Variants in SAMD3 observed in about 807,000 individuals in gnomAD.
SAMD3 encodes the protein sterile alpha motif domain-containing protein 3.
A neutral mutation model predicts 58.5 loss-of-function variants in SAMD3; 63 were observed. That is an observed-to-expected ratio of 1.08 (90% CI 0.88 to 1.33). The LOEUF (loss-of-function observed/expected upper bound fraction) is 1.33. Ranked by LOEUF, SAMD3 falls within the 40% of genes most tolerant of loss-of-function variation. The probability of loss-of-function intolerance (pLI) is 0.00; values close to 1 mark genes in which losing one functional copy is unlikely to be tolerated. For missense variants in SAMD3, 604 were observed against 608.4 expected (o/e 0.99, Z 0.08); for synonymous variants, 220 against 210.3 (o/e 1.05, Z -0.40).
intron 2 of SAMD3, among the ~76,000 whole-genome samples, chr6:130,272,072 C>T (rs1347728486): frequency 6.6e-6 from 1 of 152,072 alleles, no homozygotes; most frequent in Non-Finnish European, 1.5e-5. Context: ...TATGTTTGGC[C>T]TTAAAAGGTC....
intron 1 of SAMD3, among the ~76,000 whole-genome samples, chr6:130,218,056 G>T (rs1796082575): frequency 6.6e-6 from 1 of 152,204 alleles, no homozygotes; most frequent in Admixed American, 6.5e-5. Context: ...CGCTACCATG[G>T]GAGGTGATAG....
At chr6:130,300,971 GC>G (rs901263075) in intron 2 of SAMD3, among the ~76,000 whole-genome samples, 2 of 151,720 alleles carry the variant, frequency 1.3e-5, no homozygotes, top group Non-Finnish European at 2.9e-5. Flanking sequence ...CCCTCCCTCA[GC>G]CCCCCACCTC....
intron 7 of SAMD3, among the ~76,000 whole-genome samples, chr6:130,179,323 T>C (rs777038810): frequency 3.3e-5 from 5 of 152,180 alleles, no homozygotes; most frequent in Non-Finnish European, 7.3e-5. Flanking sequence ...GTAGGAAATA[T>C]TTATGTTATA....
chr6:130,194,920 G>A (rs1397066487), intron 5 of SAMD3, among the ~76,000 whole-genome samples: 2 of 152,020 alleles, frequency 1.3e-5, no homozygotes, highest in African/African-American at 2.4e-5. Context: ...CAATATGGAG[G>A]CTACCCACTG....
At position 130,254,479 on chromosome 6, in the gene SAMD3, A is replaced by T. The variant is rs75222119; in HGVS notation, c.-187-31666T>A. 2.6e-5 allele frequency among the ~76,000 whole-genome samples: 4 copies of T among 152,030 alleles called. No homozygotes were observed. The East Asian group carries it at 7.7e-4, about 29-fold the overall frequency. On this transcript the variant is annotated intron_variant, in intron 2 of 13. Coordinates refer to the SAMD3 transcript ENST00000368134. ...CTAAAGTGCTGGTATTACAGGCATG[A>T]GCCACCGAGTCCTGCCTTTTTGTAT...
At chr6:130,267,614 A>G (rs11154553) in intron 2 of SAMD3, among the ~76,000 whole-genome samples, 47,270 of 152,080 alleles carry the variant, frequency 0.31, 7,733 homozygotes, top group East Asian at 0.47. Flanking sequence ...AACCAGACCC[A>G]AAACCAAGGA....
intron 1 of SAMD3, among the ~76,000 whole-genome samples, chr6:130,334,320 T>G (rs1777036887): frequency 6.6e-6 from 1 of 152,260 alleles, no homozygotes; most frequent in South Asian, 2.1e-4. Context: ...ATGGGCATAT[T>G]ATTAAAGAAA....
chr6:130,159,391 A>G (rs1477419001), intron 8 of SAMD3: 2 of 152,496 alleles, frequency 1.3e-5, no homozygotes, highest in East Asian at 3.9e-4. Flanking sequence ...GGTCTCAGGT[A>G]TGTCTTTATC....
chr6:130,155,802 G>A (rs1789721923), intron 8 of SAMD3, among the ~76,000 whole-genome samples: 1 of 152,144 alleles, frequency 6.6e-6, no homozygotes, highest in African/African-American at 2.4e-5. Context: ...ACATAGGAAA[G>A]CCTCAGTAGA....
intron 8 of SAMD3, among the ~76,000 whole-genome samples, chr6:130,168,055 A>G (rs2114639819): frequency 6.6e-6 from 1 of 152,274 alleles, no homozygotes; most frequent in African/African-American, 2.4e-5. Flanking sequence ...AGGGTTAGGG[A>G]CAAAAGATCT....
intron 9 of SAMD3, among the ~76,000 whole-genome samples, chr6:130,153,660 A>ATT (rs1789432651): frequency 2.0e-5 from 2 of 100,580 alleles, no homozygotes; most frequent in African/African-American, 6.4e-5. Context: ...ATATATATAT[A>ATT]TATATTTATT....
At chr6:130,329,906 G>C (rs1776874038) in intron 1 of SAMD3, among the ~76,000 whole-genome samples, 1 of 150,446 alleles carries the variant, frequency 6.6e-6, no homozygotes, top group Non-Finnish European at 1.5e-5. Flanking sequence ...CACACACTGG[G>C]GCCTGTTGGG....
intron 7 of SAMD3, among the ~76,000 whole-genome samples, chr6:130,178,378 A>G (rs1195842878): frequency 1.5e-5 from 2 of 131,998 alleles, no homozygotes; most frequent in African/African-American, 3.1e-5. Flanking sequence ...GAGTGCGGGG[A>G]AGGGAAAAAA....
intron 1 of SAMD3, among the ~76,000 whole-genome samples, chr6:130,317,829 G>T (rs1363265463): frequency 1.3e-5 from 2 of 152,208 alleles, no homozygotes; most frequent in Non-Finnish European, 2.9e-5. Flanking sequence ...TAGTGTCCCA[G>T]CTTACTGCCT....
At chr6:130,286,295 A>G (rs6916510) in intron 2 of SAMD3, 21,083 of 152,308 alleles carry the variant, frequency 0.14, 4,086 homozygotes, top group African/African-American at 0.44. Flanking sequence ...AAGGAAACCA[A>G]TTAAGGTAGG....
At chr6:130,223,942 A>G (rs1796309486), upstream of SAMD3, among the ~76,000 whole-genome samples, 1 of 152,174 alleles carries the variant, frequency 6.6e-6, no homozygotes, top group African/African-American at 2.4e-5. Context: ...CTGTATCCCA[A>G]GGTTCTTGCC....
chr6:130,163,953 A>G lies in SAMD3; in HGVS notation c.823-8928T>C, dbSNP rs377611160. Among the ~76,000 whole-genome samples, 27 of 152,314 alleles carry G rather than the reference A, an allele frequency of 1.8e-4. 1 individual carries two copies. Among genetic ancestry groups the G allele is most frequent in the Admixed American group, 5.2e-4 (8 of 15,286 alleles). On this transcript the variant is annotated intron_variant, in intron 8 of 11. Transcript: ENST00000439090. ...AAGTAGGAAAAGAAAATGTTTTAAG[A>G]GAGAAATGAATTATAGGTATAGTGT...
chr6:130,341,679 T>C (rs1583131092), intron 1 of SAMD3, among the ~76,000 whole-genome samples: 1 of 152,206 alleles, frequency 6.6e-6, no homozygotes, highest in African/African-American at 2.4e-5. Flanking sequence ...GGAATTGGTA[T>C]ACTAAGAGTG....
intron 8 of SAMD3, among the ~76,000 whole-genome samples, chr6:130,155,390 G>A (rs1789686773): frequency 1.3e-5 from 2 of 152,000 alleles, no homozygotes; most frequent in Non-Finnish European, 2.9e-5. Context: ...AAAGTATTAA[G>A]GTTTTGTTAT....
Sources: gnomAD v4.1 joint callset for allele counts (sites outside exome capture counted in the v4.1 genomes callset) on GRCh38, gnomAD v4.1.1 for gene constraint, MANE v1.5 for transcripts, NCBI Gene and HGNC (gene_info 2026-07-23, HGNC 2026-07-21) for gene names.